Variants in CD1B observed in about 807,000 individuals in gnomAD.
CD1B encodes T-cell surface glycoprotein CD1b.
CD1B carries 43 observed loss-of-function variants against 39.8 expected under a neutral mutation model. The ratio of observed to expected loss-of-function variants is 1.08; its 90% CI spans 0.85 to 1.39. CD1B has a LOEUF of 1.39. Among genes scored for constraint, CD1B ranks in the 40% most tolerant of loss-of-function variants. The pLI, the probability that CD1B is intolerant of heterozygous loss-of-function variation, is 0.00. For synonymous variants in CD1B, 192 were observed against 152.5 expected, an observed-to-expected ratio of 1.26 and a Z score of -1.91; for missense variants, 495 against 403.8, an observed-to-expected ratio of 1.23 and a Z score of -1.94.
chr1:158,330,997 G>A lies in CD1B; in HGVS notation c.127C>T (p.Gln43Ter). The change falls in exon 2 of 6, where the codon CAA becomes TAA. Residue 43 changes from glutamine to a stop codon, truncating the protein, a stop_gained. Transcript: ENST00000368168. LOFTEE classifies it high-confidence loss of function. ...TSSFTNSTWA[Q>*]TQGSGWLDDL... ...TCCAACCAGCCTGAGCCTTGAGTTTGTGCCCAGGTACTATTGGTAAAGGAC... is the reference window on the plus strand; with the variant it reads ...TCCAACCAGCCTGAGCCTTGAGTTTATGCCCAGGTACTATTGGTAAAGGAC... The A allele has an allele frequency of 6.2e-7, 1 of 1,614,126 alleles. No homozygotes were observed. Among genetic ancestry groups the A allele is most frequent in the Non-Finnish European group, 8.5e-7 (1 of 1,180,014 alleles).
the CD1B span, chr1:158,293,771 A>G: frequency 1.7e-6 from 1 of 576,068 alleles, no homozygotes; most frequent in Admixed American, 3.0e-5. Flanking sequence ...AACACTTCCT[A>G]CCCTGTGTTG....
the CD1B span, among the ~76,000 whole-genome samples, chr1:158,322,183 G>A: frequency 2.2e-4 from 34 of 152,030 alleles, no homozygotes; most frequent in South Asian, 7.1e-3. Context: ...AGTTATAAGT[G>A]GTTTACATAC....
downstream of CD1B, among the ~76,000 whole-genome samples, chr1:158,326,223 C>T (rs780294553): frequency 3.9e-5 from 6 of 152,064 alleles, no homozygotes; most frequent in Non-Finnish European, 8.8e-5. Flanking sequence ...CCGCCCGCCT[C>T]GGCCTCCCAA....
At chr1:158,313,431 C>G in the CD1B span, among the ~76,000 whole-genome samples, 38 of 152,180 alleles carry the variant, frequency 2.5e-4, 1 homozygote, top group Non-Finnish European at 1.0e-4. Context: ...CAACCTCAGC[C>G]TCCTGAGTAG....
At chr1:158,294,960 G>A in the CD1B span, among the ~76,000 whole-genome samples, 4 of 152,002 alleles carry the variant, frequency 2.6e-5, no homozygotes, top group Middle Eastern at 3.2e-3. Flanking sequence ...CACCCAGCTT[G>A]GGTCCTGCTT....
At chr1:158,312,630 G>A in the CD1B span, among the ~76,000 whole-genome samples, 1 of 151,952 alleles carries the variant, frequency 6.6e-6, no homozygotes, top group Non-Finnish European at 1.5e-5. Flanking sequence ...ACATGGAATT[G>A]TTTTCTTGAT....
At position 158,329,900 on chromosome 1, in the gene CD1B, A is replaced by T. The variant is rs1652518727; in HGVS notation, c.559T>A (p.Tyr187Asn). 1.2e-6 allele frequency: 2 copies of T among 1,613,978 alleles called. No individual in the cohort carries two copies. Among genetic ancestry groups the T allele is most frequent in the Non-Finnish European group, 1.7e-6 (2 of 1,179,996 alleles). The change falls in exon 3 of 6, where the codon TAT (tyrosine) becomes AAT (asparagine). Residue 187 changes from tyrosine (Y) to asparagine (N), a missense_variant. Transcript: ENST00000368168. Reference sequence around the variant, plus strand: ...CCTGCATTGAGGACGCCCAAGAGATATCGGGGGCAGGTTTCATAGAGGAGA... The same window carrying T: ...CCTGCATTGAGGACGCCCAAGAGATTTCGGGGGCAGGTTTCATAGAGGAGA... ...RILLYETCPR[Y>N]LLGVLNAGKA...
chr1:158,328,365 CATAG>C (rs1652438392), intron 5 of CD1B, 108 bp from the exon 6 acceptor site: 1 of 786,794 alleles, frequency 1.3e-6, no homozygotes, highest in South Asian at 1.8e-5. Flanking sequence ...CCCAAGTGTC[CATAG>C]ATAGACGAAT....
the CD1B span, among the ~76,000 whole-genome samples, chr1:158,318,078 G>T: frequency 3.7e-4 from 56 of 152,160 alleles, no homozygotes; most frequent in South Asian, 2.5e-3. Context: ...GAGCTTTACT[G>T]CCAACTATGT....
the CD1B span, among the ~76,000 whole-genome samples, chr1:158,313,037 A>G: frequency 3.9e-5 from 6 of 152,118 alleles, no homozygotes; most frequent in African/African-American, 1.4e-4. Flanking sequence ...TACCTAATTT[A>G]TTGATAACTT....
chr1:158,286,941 C>T, the CD1B span, among the ~76,000 whole-genome samples: 13 of 152,252 alleles, frequency 8.5e-5, 2 homozygotes, highest in South Asian at 2.7e-3. Flanking sequence ...TCAGCACCTC[C>T]TACTGCCCTT....
At chr1:158,316,560 G>A in the CD1B span, among the ~76,000 whole-genome samples, 6 of 151,802 alleles carry the variant, frequency 4.0e-5, no homozygotes, top group African/African-American at 1.5e-4. Flanking sequence ...ATTTTGGGCT[G>A]AGACAATGGG....
At chr1:158,316,944 A>G in the CD1B span, among the ~76,000 whole-genome samples, 1 of 151,250 alleles carries the variant, frequency 6.6e-6, no homozygotes, top group African/African-American at 2.4e-5. Context: ...GGCTCTGTTT[A>G]TATGCTGGAT....
At chr1:158,313,380 A>G in the CD1B span, among the ~76,000 whole-genome samples, 1 of 152,104 alleles carries the variant, frequency 6.6e-6, no homozygotes, top group Admixed American at 6.6e-5. Context: ...GCACAATCAC[A>G]TCTCACCACA....
chr1:158,320,374 A>C, the CD1B span, among the ~76,000 whole-genome samples: 1 of 152,154 alleles, frequency 6.6e-6, no homozygotes, highest in Non-Finnish European at 1.5e-5. Context: ...GCCGTTTTTT[A>C]AGTCCGTTGG....
the CD1B span, among the ~76,000 whole-genome samples, chr1:158,311,005 A>G: frequency 3.3e-5 from 5 of 152,166 alleles, no homozygotes; most frequent in Non-Finnish European, 7.3e-5. Context: ...CCCCCACAAC[A>G]TGCAATTTAC....
chr1:158,326,709 CAT>C (rs1202520140), downstream of CD1B, among the ~76,000 whole-genome samples: 1 of 152,014 alleles, frequency 6.6e-6, no homozygotes, highest in Non-Finnish European at 1.5e-5. Context: ...TTATTTTAAT[CAT>C]GAGTTGATAA....
chr1:158,312,066 T>C, the CD1B span, among the ~76,000 whole-genome samples: 3 of 152,314 alleles, frequency 2.0e-5, no homozygotes, highest in East Asian at 5.8e-4. Context: ...TTACATTGAA[T>C]CTGTAGATTG....
the CD1B span, among the ~76,000 whole-genome samples, chr1:158,305,447 A>G: frequency 2.0e-5 from 3 of 152,252 alleles, no homozygotes; most frequent in East Asian, 1.9e-4. Flanking sequence ...GACCAAATCT[A>G]TGTCTGATTG....
Sources: gnomAD v4.1 joint callset for allele counts (sites outside exome capture counted in the v4.1 genomes callset) on GRCh38, gnomAD v4.1.1 for gene constraint, MANE v1.5 for transcripts, NCBI Gene and HGNC (gene_info 2026-07-23, HGNC 2026-07-21) for gene names.